TMCO5A: variants seen among roughly 807,000 people sequenced by gnomAD.
The protein encoded by TMCO5A is transmembrane and coiled-coil domains 5A.
Under a neutral mutation model 42.3 loss-of-function variants are expected in TMCO5A, and 34 were observed. The ratio of observed to expected loss-of-function variants is 0.80; its 90% CI spans 0.61 to 1.07. The LOEUF (loss-of-function observed/expected upper bound fraction) is 1.07. Among genes scored for constraint, TMCO5A ranks in the 50% least tolerant of loss-of-function variants. TMCO5A has a pLI of 0.00. For missense variants in TMCO5A, 357 were observed against 327.9 expected (o/e 1.09, Z -0.69); for synonymous variants, 131 against 115.6 (o/e 1.13, Z -0.86).
chr15:38,018,295 A>T, the TMCO5A span, among the ~76,000 whole-genome samples: 2 of 152,320 alleles, frequency 1.3e-5, no homozygotes, highest in South Asian at 4.1e-4. Flanking sequence ...ACTTAACTCT[A>T]AGTAAAGAGC....
At chr15:37,981,502 T>C in the TMCO5A span, among the ~76,000 whole-genome samples, 4 of 152,132 alleles carry the variant, frequency 2.6e-5, no homozygotes, top group African/African-American at 9.7e-5. Flanking sequence ...CAACACCCAA[T>C]GGTTAAAATC....
At chr15:37,964,788 C>A (rs1595610749) in intron 11 of TMCO5A, among the ~76,000 whole-genome samples, 1 of 152,124 alleles carries the variant, frequency 6.6e-6, no homozygotes. Context: ...GAAAGTTATT[C>A]CAAGTTCATG....
downstream of TMCO5A, among the ~76,000 whole-genome samples, chr15:37,971,969 T>C (rs1890681860): frequency 6.6e-6 from 1 of 152,226 alleles, no homozygotes; most frequent in African/African-American, 2.4e-5. Context: ...TTCCAACCTC[T>C]GCCTGTTACC....
chr15:37,966,823 G>A, exon 12 of TMCO5A: 1 of 639,616 alleles, frequency 1.6e-6, no homozygotes, highest in Non-Finnish European at 2.8e-6. Flanking sequence ...GGAGTACTCT[G>A]ATTGGTCAAG....
At chr15:37,977,717 A>G in the TMCO5A span, among the ~76,000 whole-genome samples, 1 of 152,164 alleles carries the variant, frequency 6.6e-6, no homozygotes, top group African/African-American at 2.4e-5. Flanking sequence ...CTCAGCCTTT[A>G]TGTTGCCTGC....
At chr15:38,038,154 A>G in the TMCO5A span, among the ~76,000 whole-genome samples, 1 of 152,226 alleles carries the variant, frequency 6.6e-6, no homozygotes, top group South Asian at 2.1e-4. Context: ...ATAGAAAAAA[A>G]GTGATGAGAC....
chr15:37,942,461 C>T (rs561437837), intron 9 of TMCO5A: 70 of 535,192 alleles, frequency 1.3e-4, no homozygotes, highest in African/African-American at 1.2e-3. Context: ...TCTAAAAAGA[C>T]CACAGAAACA....
the TMCO5A span, among the ~76,000 whole-genome samples, chr15:38,011,966 TA>T: frequency 6.6e-6 from 1 of 151,536 alleles, no homozygotes; most frequent in Non-Finnish European, 1.5e-5. Flanking sequence ...CTACTGAAAA[TA>T]CAAAAAAGTA....
At chr15:37,937,559 G>A (rs932288977) in intron 5 of TMCO5A, among the ~76,000 whole-genome samples, 163 bp downstream of exon 5, 1 of 152,062 alleles carries the variant, frequency 6.6e-6, no homozygotes, top group Non-Finnish European at 1.5e-5. Context: ...CAAGGTTCAT[G>A]ACCTAAATGT....
At chr15:38,032,452 G>C in the TMCO5A span, among the ~76,000 whole-genome samples, 1 of 152,192 alleles carries the variant, frequency 6.6e-6, no homozygotes, top group Non-Finnish European at 1.5e-5. Flanking sequence ...GCTACGTAAA[G>C]GGGCAAAACA....
the TMCO5A span, among the ~76,000 whole-genome samples, chr15:38,025,688 T>C: frequency 1.3e-5 from 2 of 152,208 alleles, no homozygotes; most frequent in Non-Finnish European, 2.9e-5. Flanking sequence ...CTGATAAGGT[T>C]TGACTCTGTG....
downstream of TMCO5A, among the ~76,000 whole-genome samples, chr15:37,955,501 G>A (rs1360900743): frequency 6.6e-6 from 1 of 151,884 alleles, no homozygotes; most frequent in African/African-American, 2.4e-5. Flanking sequence ...ACAAAGAAGG[G>A]CATCACATAA....
rs1380891859 is a variant in TMCO5A at position 37,951,270 on chromosome 15, G to A, written c.*36G>A. On this transcript the variant is annotated 3_prime_UTR_variant, in exon 12 of 12. Coordinates refer to ENST00000319669, the MANE Select transcript of TMCO5A (RefSeq NM_152453.4). Reference sequence around the variant, plus strand: ...AATATCCTTGAGCAATAGAAGGGAAGTGGGATCCGAGCCTGTAGAAGGGAG... The same window carrying A: ...AATATCCTTGAGCAATAGAAGGGAAATGGGATCCGAGCCTGTAGAAGGGAG... 1.9e-6 allele frequency: 3 copies of A among 1,599,568 alleles called. No individual in the cohort carries two copies. The South Asian group carries it at 3.3e-5, about 18-fold the overall frequency.
chr15:38,000,684 C>A, the TMCO5A span, among the ~76,000 whole-genome samples: 1 of 151,862 alleles, frequency 6.6e-6, no homozygotes, highest in Non-Finnish European at 1.5e-5. Context: ...TTTTGCTGTA[C>A]CCTAAAAGTT....
chr15:37,948,122 C>G (rs1331969257), intron 11 of TMCO5A, among the ~76,000 whole-genome samples: 1 of 151,964 alleles, frequency 6.6e-6, no homozygotes, highest in Non-Finnish European at 1.5e-5. Context: ...GAGAGACAAG[C>G]ATTATGAGAA....
chr15:38,012,989 C>T, the TMCO5A span, among the ~76,000 whole-genome samples: 1 of 152,174 alleles, frequency 6.6e-6, no homozygotes, highest in Admixed American at 6.5e-5. Flanking sequence ...ATACAGATCA[C>T]AATAAAGGGA....
At chr15:38,007,662 G>A in the TMCO5A span, among the ~76,000 whole-genome samples, 1 of 152,116 alleles carries the variant, frequency 6.6e-6, no homozygotes, top group East Asian at 1.9e-4. Context: ...AGGGAAAATT[G>A]AGATAGGGAA....
At chr15:37,936,532 G>A in intron 3 of TMCO5A, 69 bp downstream of exon 3, 3 of 1,533,966 alleles carry the variant, frequency 2.0e-6, no homozygotes, top group Non-Finnish European at 2.6e-6. Flanking sequence ...AACCAAAACT[G>A]AATTTTCCTG....
the TMCO5A span, among the ~76,000 whole-genome samples, chr15:37,981,319 A>G: frequency 6.6e-6 from 1 of 151,410 alleles, no homozygotes; most frequent in South Asian, 2.1e-4. Flanking sequence ...AAATGGTTTT[A>G]TTTTAAAAGA....
Sources: allele counts gnomAD v4.1 joint callset (sites outside exome capture counted in the v4.1 genomes callset), GRCh38; gene constraint gnomAD v4.1.1; transcripts MANE v1.5; gene names NCBI Gene and HGNC (gene_info 2026-07-23, HGNC 2026-07-21).